Variants in CAMK1D observed in about 807,000 individuals in gnomAD.
The protein encoded by CAMK1D is calcium/calmodulin dependent protein kinase ID.
Under a neutral mutation model 47.7 loss-of-function variants are expected in CAMK1D, and 9 were observed. That is an observed-to-expected ratio of 0.19 (90% CI 0.11 to 0.33). CAMK1D has a LOEUF of 0.33. CAMK1D is among the 10% of genes least tolerant of loss of function. The pLI is 1.00. For missense variants in CAMK1D, 291 were observed against 488.7 expected, an observed-to-expected ratio of 0.60 and a Z score of 3.81; for synonymous variants, 184 against 184.9, an observed-to-expected ratio of 0.99 and a Z score of 0.04.
intron 8 of CAMK1D, among the ~76,000 whole-genome samples, chr10:12,819,470 C>T (rs887376144): frequency 6.6e-6 from 1 of 152,210 alleles, no homozygotes; most frequent in African/African-American, 2.4e-5. Context: ...CTGGCTTCAC[C>T]ACTCACTGCC....
chr10:12,689,717 G>A (rs1249515292), intron 3 of CAMK1D, among the ~76,000 whole-genome samples: 3 of 151,532 alleles, frequency 2.0e-5, no homozygotes, highest in South Asian at 2.1e-4. Context: ...TGGAGGTTGC[G>A]TTGAGCCGAG....
At chr10:12,396,459 C>G (rs1237730011) in intron 1 of CAMK1D, among the ~76,000 whole-genome samples, 1 of 152,188 alleles carries the variant, frequency 6.6e-6, no homozygotes, top group Non-Finnish European at 1.5e-5. Context: ...CAACCAGAGT[C>G]TTCATGAGTC....
At chr10:12,402,769 T>C (rs531954212) in intron 1 of CAMK1D, among the ~76,000 whole-genome samples, 1 of 152,076 alleles carries the variant, frequency 6.6e-6, no homozygotes, top group African/African-American at 2.4e-5. Flanking sequence ...TGGGATCATT[T>C]TGGATTTAGG....
chr10:12,722,857 G>A (rs1244265231), intron 3 of CAMK1D, among the ~76,000 whole-genome samples: 1 of 152,218 alleles, frequency 6.6e-6, no homozygotes, highest in Non-Finnish European at 1.5e-5. Context: ...AGAAGTAGAA[G>A]AGAGTAAAGA....
In CAMK1D at chr10:12,642,023, G is replaced by A. The variant is rs181332812; in HGVS notation, c.225-24713G>A. ...CACGCTACTGCATTCCAGCTAGGGCGACAGAGTGAGACCCTTTCTCAGAAT... is the reference window on the plus strand; with the variant it reads ...CACGCTACTGCATTCCAGCTAGGGCAACAGAGTGAGACCCTTTCTCAGAAT... On this transcript the variant is annotated intron_variant, in intron 2 of 10. Coordinates refer to ENST00000619168, the MANE Select transcript of CAMK1D (RefSeq NM_153498.4). Among the ~76,000 whole-genome samples, 626 of 147,174 alleles carry A rather than the reference G, an allele frequency of 4.3e-3. 3 individuals are homozygous for A. Among genetic ancestry groups the A allele is most frequent in the Middle Eastern group, 0.028 (8 of 288 alleles).
intron 2 of CAMK1D, among the ~76,000 whole-genome samples, chr10:12,665,798 T>C (rs1187650310): frequency 2.0e-5 from 3 of 152,224 alleles, no homozygotes; most frequent in African/African-American, 4.8e-5. Context: ...AGTCTGCAGA[T>C]CGGCAGTACC....
intron 1 of CAMK1D, among the ~76,000 whole-genome samples, chr10:12,374,786 A>G (rs112386799): frequency 0.24 from 35,680 of 151,758 alleles, 4,522 homozygotes; most frequent in South Asian, 0.33. Context: ...TACTAAAGAT[A>G]CAAAAAATTA....
At chr10:12,617,922 T>C (rs903907439) in intron 2 of CAMK1D, among the ~76,000 whole-genome samples, 1 of 152,216 alleles carries the variant, frequency 6.6e-6, no homozygotes, top group Non-Finnish European at 1.5e-5. Context: ...AGCCAAACAA[T>C]TGGATTACAG....
At chr10:12,553,860 T>C (rs1226429965) in intron 2 of CAMK1D, among the ~76,000 whole-genome samples, 1 of 152,186 alleles carries the variant, frequency 6.6e-6, no homozygotes, top group Non-Finnish European at 1.5e-5. Context: ...AATAAGGTGA[T>C]GAAGCTCACA....
intron 1 of CAMK1D, among the ~76,000 whole-genome samples, chr10:12,418,192 T>G (rs955704955): frequency 6.6e-6 from 1 of 152,148 alleles, no homozygotes; most frequent in Non-Finnish European, 1.5e-5. Context: ...GAGAATGAAT[T>G]ACTTGGTAGG....
At chr10:12,563,537 T>C (rs1837012225) in intron 2 of CAMK1D, among the ~76,000 whole-genome samples, 1 of 152,196 alleles carries the variant, frequency 6.6e-6, no homozygotes, top group Non-Finnish European at 1.5e-5. Flanking sequence ...ACAGAAATAC[T>C]GTTTTACCGG....
intron 1 of CAMK1D, among the ~76,000 whole-genome samples, chr10:12,538,046 T>G (rs948337299): frequency 1.3e-5 from 2 of 152,300 alleles, no homozygotes; most frequent in East Asian, 3.9e-4. Flanking sequence ...ACGACTTGTG[T>G]TCCATCTTTT....
At chr10:12,705,110 C>T (rs1427607775) in intron 3 of CAMK1D, among the ~76,000 whole-genome samples, 4 of 152,062 alleles carry the variant, frequency 2.6e-5, no homozygotes, top group Non-Finnish European at 5.9e-5. Flanking sequence ...TCACTGGATA[C>T]TGAAATCAAT....
rs116228053 is a variant in CAMK1D at position 12,412,223 on chromosome 10, T to C, written c.92+62313T>C. On this transcript the variant is annotated intron_variant, in intron 1 of 10. Coordinates refer to ENST00000619168, the MANE Select transcript of CAMK1D (RefSeq NM_153498.4). ...TGTGAGCTGGTGGCGTTGATGACTG[T>C]TGATGGGATGAATAGAGGGGAAGCT... Among the ~76,000 whole-genome samples, 343 of 152,146 alleles carry C rather than the reference T, an allele frequency of 2.3e-3. 4 individuals carry two copies. Among genetic ancestry groups the C allele is most frequent in the African/African-American group, 8.0e-3 (331 of 41,526 alleles).
At chr10:12,391,660 A>G (rs1838738864) in intron 1 of CAMK1D, among the ~76,000 whole-genome samples, 1 of 152,222 alleles carries the variant, frequency 6.6e-6, no homozygotes, top group African/African-American at 2.4e-5. Flanking sequence ...GGTTAAATTT[A>G]GGAGGTCTGT....
At chr10:12,510,453 A>G (rs1835007531) in intron 1 of CAMK1D, among the ~76,000 whole-genome samples, 1 of 152,100 alleles carries the variant, frequency 6.6e-6, no homozygotes, top group African/African-American at 2.4e-5. Flanking sequence ...CCACGTGGGC[A>G]TTTTGAAGCC....
At chr10:12,387,445 T>A (rs201108068) in intron 1 of CAMK1D, among the ~76,000 whole-genome samples, 5 of 66,660 alleles carry the variant, frequency 7.5e-5, no homozygotes, top group East Asian at 4.2e-4. Flanking sequence ...TATATATATT[T>A]TATATATATA....
At chr10:12,410,185 C>T (rs1211198187) in intron 1 of CAMK1D, among the ~76,000 whole-genome samples, 1 of 152,210 alleles carries the variant, frequency 6.6e-6, no homozygotes, top group Non-Finnish European at 1.5e-5. Flanking sequence ...TTATTACTGG[C>T]AAATAATTTC....
chr10:12,457,649 C>T (rs913192457), intron 1 of CAMK1D, among the ~76,000 whole-genome samples: 8 of 151,556 alleles, frequency 5.3e-5, no homozygotes, highest in African/African-American at 1.2e-4. Flanking sequence ...GGTGTAGTGG[C>T]GCGAGCCTGT....
Sources: gnomAD v4.1 joint callset for allele counts (sites outside exome capture counted in the v4.1 genomes callset) on GRCh38, gnomAD v4.1.1 for gene constraint, MANE v1.5 for transcripts, NCBI Gene and HGNC (gene_info 2026-07-23, HGNC 2026-07-21) for gene names.